STK4: variants seen among roughly 807,000 people sequenced by gnomAD.
STK4 encodes the protein serine/threonine kinase 4.
STK4 carries 30 observed loss-of-function variants against 64.9 expected under a neutral mutation model. The observed-to-expected ratio is 0.46, with a 90% CI of 0.35 to 0.63. The LOEUF is 0.63. Ranked by LOEUF, STK4 falls within the 20% of genes least tolerant of loss-of-function variation. The pLI, the probability that STK4 is intolerant of heterozygous loss-of-function variation, is 0.01. For missense variants in STK4, 466 were observed against 598.5 expected (o/e 0.78, Z 2.31); for synonymous variants, 177 against 199.0 (o/e 0.89, Z 0.93).
At chr20:45,001,074 C>T (rs554112704) in intron 8 of STK4, 93 bp from the exon 9 acceptor site, 53 of 1,363,994 alleles carry the variant, frequency 3.9e-5, no homozygotes, top group African/African-American at 2.9e-5. Context: ...TGTTAAATCT[C>T]GAAATATTTT....
intron 5 of STK4, 83 bp downstream of exon 5, chr20:44,987,379 T>C (rs2067548106): frequency 1.5e-6 from 2 of 1,326,356 alleles, no homozygotes; most frequent in East Asian, 5.1e-5. Context: ...TTTTAAAATA[T>C]AATACTTGAC....
At chr20:44,999,023 G>T (rs1312891674) in intron 7 of STK4, among the ~76,000 whole-genome samples, 3 of 150,946 alleles carry the variant, frequency 2.0e-5, no homozygotes, top group African/African-American at 7.3e-5. Context: ...AGCTGAGATT[G>T]TGCCACTGCA....
intron 7 of STK4, among the ~76,000 whole-genome samples, chr20:44,998,461 C>A (rs1393452127): frequency 1.3e-5 from 2 of 152,150 alleles, no homozygotes; most frequent in East Asian, 3.8e-4. Flanking sequence ...TAAATATTAG[C>A]TATTATAATT....
At chr20:44,993,356 AGT>A (rs1241296735) in intron 5 of STK4, among the ~76,000 whole-genome samples, 5 of 152,082 alleles carry the variant, frequency 3.3e-5, no homozygotes, top group Non-Finnish European at 7.4e-5. Flanking sequence ...TACAAATCTA[AGT>A]GGGGTTAGTG....
intron 6 of STK4, 35 bp downstream of exon 6, chr20:44,995,292 A>C (rs200444521): frequency 1.9e-6 from 3 of 1,582,300 alleles, no homozygotes; most frequent in East Asian, 4.6e-5. Context: ...TGGGGTGGTT[A>C]GTTACTGATC....
intron 10 of STK4, among the ~76,000 whole-genome samples, chr20:45,030,629 A>G (rs1370603217): frequency 1.3e-5 from 2 of 152,162 alleles, no homozygotes; most frequent in African/African-American, 4.8e-5. Context: ...CTAAAAGTGA[A>G]TTGCCTGTTT....
Position 45,075,001 on chromosome 20 carries a change from T to C in STK4, c.1306-17T>C. On this transcript the variant is annotated splice_polypyrimidine_tract_variant and intron_variant, in intron 10 of 10. Transcript: ENST00000372806. ...ACTTAAGCTTTGTCGTGACTATACC[T>C]TCCACTTCTCTTCTAGCTTAAGAGT... The C allele has an allele frequency of 6.2e-7, 1 of 1,614,046 alleles. No homozygotes were observed. Among genetic ancestry groups the C allele is most frequent in the Non-Finnish European group, 8.5e-7 (1 of 1,179,946 alleles).
At chr20:44,997,852 G>C (rs1396937220) in intron 7 of STK4, among the ~76,000 whole-genome samples, 2 of 152,204 alleles carry the variant, frequency 1.3e-5, no homozygotes, top group African/African-American at 4.8e-5. Flanking sequence ...CATTTAGTGA[G>C]TACCTGCTGT....
At chr20:45,018,740 T>C (rs1019004573) in intron 9 of STK4, among the ~76,000 whole-genome samples, 2 of 151,660 alleles carry the variant, frequency 1.3e-5, no homozygotes, top group Non-Finnish European at 2.9e-5. Flanking sequence ...TTTTTTTTTT[T>C]TTAATTTGGA....
chr20:45,035,918 C>A (rs992674798), intron 10 of STK4, among the ~76,000 whole-genome samples: 1 of 152,170 alleles, frequency 6.6e-6, no homozygotes, highest in Non-Finnish European at 1.5e-5. Flanking sequence ...CCAGGCATTA[C>A]ATATGTTACC....
intron 10 of STK4, among the ~76,000 whole-genome samples, chr20:45,054,670 T>G (rs1978329128): frequency 6.7e-6 from 1 of 150,338 alleles, no homozygotes; most frequent in Non-Finnish European, 1.5e-5. Flanking sequence ...TGTGTTAACC[T>G]CAATGGATTA....
At chr20:44,976,627 C>A (rs1284553059) in intron 2 of STK4, among the ~76,000 whole-genome samples, 2 of 152,206 alleles carry the variant, frequency 1.3e-5, no homozygotes, top group African/African-American at 4.8e-5. Context: ...ACCAAACTAT[C>A]ATTCTAGAGT....
chr20:45,063,191 A>G (rs1212681359), intron 10 of STK4, among the ~76,000 whole-genome samples: 2 of 148,176 alleles, frequency 1.3e-5, no homozygotes, highest in Non-Finnish European at 3.0e-5. Context: ...ATTTTTTTGT[A>G]GAGATGGGGT....
chr20:45,065,160 A>T (rs1285778658), intron 10 of STK4, among the ~76,000 whole-genome samples: 3 of 151,310 alleles, frequency 2.0e-5, no homozygotes, highest in Non-Finnish European at 4.4e-5. Flanking sequence ...TTTTAACATG[A>T]AGGGATGTTG....
At chr20:45,062,989 C>CTTTTTTTTT (rs71197599) in intron 10 of STK4, among the ~76,000 whole-genome samples, 1,223 of 31,540 alleles carry the variant, frequency 0.039, 338 homozygotes, top group Non-Finnish European at 0.051. Context: ...CGCACCCGGC[C>CTTTTTTTTT]TTTTTTTTTT....
Position 45,062,989 on chromosome 20 carries a change from C to CTT in STK4, c.1306-12000_1306-11999dup, listed in dbSNP as rs71197599. 2.6e-3 allele frequency among the ~76,000 whole-genome samples: 82 copies of CTT among 31,502 alleles called. 16 individuals carry two copies. The highest frequency in any genetic ancestry group is 4.2e-3 in the African/African-American group (30 of 7,160). 20.7% of individuals were successfully genotyped at this position (31,502 alleles called of 152,430 possible). A position where few individuals can be genotyped will look rare whatever the true frequency, so the allele number is the denominator to read the frequency against. ...ACAGGTGTGAGCCACCGCACCCGGCCTTTTTTTTTTTTTTTTTTTTTTTTT... is the reference window on the plus strand; with the variant it reads ...ACAGGTGTGAGCCACCGCACCCGGCCTTTTTTTTTTTTTTTTTTTTTTTTTTT... On this transcript the variant is annotated intron_variant, in intron 10 of 10. Transcript: ENST00000372806.
intron 10 of STK4, among the ~76,000 whole-genome samples, chr20:45,028,553 C>T (rs1250427052): frequency 1.3e-5 from 2 of 152,114 alleles, no homozygotes; most frequent in Non-Finnish European, 2.9e-5. Flanking sequence ...TCTGGAACAC[C>T]TGGCCTGAAA....
At chr20:45,018,957 C>T (rs1278038589) in intron 9 of STK4, among the ~76,000 whole-genome samples, 1 of 152,060 alleles carries the variant, frequency 6.6e-6, no homozygotes, top group Non-Finnish European at 1.5e-5. Flanking sequence ...GTCTCGAACT[C>T]GTGGCCTCAA....
At chr20:45,009,261 C>A (rs536466888) in intron 9 of STK4, among the ~76,000 whole-genome samples, 1 of 152,278 alleles carries the variant, frequency 6.6e-6, no homozygotes, top group South Asian at 2.1e-4. Context: ...TATGGCTAGT[C>A]AGTTATGCCA....
Sources: allele counts gnomAD v4.1 joint callset (sites outside exome capture counted in the v4.1 genomes callset), GRCh38; gene constraint gnomAD v4.1.1; transcripts MANE v1.5; gene names NCBI Gene and HGNC (gene_info 2026-07-23, HGNC 2026-07-21).